BRIP1: variants seen among roughly 807,000 people sequenced by gnomAD.
BRIP1 encodes the protein Fanconi anemia group J protein.
BRIP1 carries 88 observed loss-of-function variants against 119.7 expected under a neutral mutation model. That is an observed-to-expected ratio of 0.74 (90% CI 0.62 to 0.88). The LOEUF (loss-of-function observed/expected upper bound fraction) is 0.88, where lower values mean the gene tolerates loss of function less well. Ranked by LOEUF, BRIP1 falls within the 40% of genes least tolerant of loss-of-function variation. The pLI is 0.00. For missense variants in BRIP1, 1,259 were observed against 1,455.4 expected (o/e 0.87, Z 2.20); for synonymous variants, 443 against 496.5 (o/e 0.89, Z 1.43).
rs910987310 is a variant in BRIP1 at position 61,843,260 on chromosome 17, C to T, written c.627+3841G>A. 4.6e-5 allele frequency among the ~76,000 whole-genome samples: 7 copies of T among 152,074 alleles called. No homozygotes were observed. Among genetic ancestry groups the T allele is most frequent in the Admixed American group, 3.9e-4 (6 of 15,266 alleles). The stretch of plus-strand genomic sequence containing the variant: ...ATCAAAGAGTAAAAAGTTGAATCTA[C>T]ATAGGATGAATCAAGTCTAGAGATC... On this transcript the variant is annotated intron_variant, in intron 6 of 19. Coordinates refer to ENST00000259008, the MANE Select transcript of BRIP1 (RefSeq NM_032043.3). This position sits in a 1 kb window ranked among gnomAD's most constrained non-coding sequence, Gnocchi z 5.7.
At chr17:61,840,848 G>C (rs2078648381) in intron 6 of BRIP1, among the ~76,000 whole-genome samples, 1 of 152,100 alleles carries the variant, frequency 6.6e-6, no homozygotes, top group South Asian at 2.1e-4. Context: ...AACCAAAACA[G>C]AATGGTATTA....
At chr17:61,781,181 G>T (rs576008906) in intron 11 of BRIP1, among the ~76,000 whole-genome samples, 176 bp from the exon 12 acceptor site, 1 of 152,222 alleles carries the variant, frequency 6.6e-6, no homozygotes, top group South Asian at 2.1e-4. Context: ...TATTAATAAA[G>T]CCATTAATCA....
In BRIP1 at chr17:61,716,728, T is replaced by G. The variant is rs1178627743; in HGVS notation, c.2380-665A>C. Among the ~76,000 whole-genome samples, 5 of 14,408 alleles carry G rather than the reference T, an allele frequency of 3.5e-4. No homozygotes were observed. The South Asian group carries it at 0.011, about 31-fold the overall frequency. 9.5% of individuals were successfully genotyped at this position (14,408 alleles called of 152,430 possible). A position where few individuals can be genotyped will look rare whatever the true frequency, so the allele number is the denominator to read the frequency against. On this transcript the variant is annotated intron_variant, in intron 16 of 19. Transcript: ENST00000259008. ...TTGCTTCCCCCCTACCCCCCCAATC[T>G]GTACCATTTTGTTTTTATCTTTTGG...
intron 6 of BRIP1, among the ~76,000 whole-genome samples, chr17:61,829,352 A>G (rs565796617): frequency 6.6e-6 from 1 of 152,292 alleles, no homozygotes; most frequent in South Asian, 2.1e-4. Context: ...AGATGGGTTA[A>G]TACATCAAGA....
chr17:61,721,692 CTTTTTTTTTTT>C (rs71150632), intron 16 of BRIP1, among the ~76,000 whole-genome samples: 37 of 73,634 alleles, frequency 5.0e-4, no homozygotes, highest in Admixed American at 1.6e-3. Context: ...TAGACTTTGC[CTTTTTTTTTTT>C]TTTTTTTTTT....
intron 6 of BRIP1, among the ~76,000 whole-genome samples, chr17:61,817,062 T>G (rs1035682046): frequency 5.3e-5 from 8 of 152,180 alleles, no homozygotes; most frequent in Non-Finnish European, 8.8e-5. Context: ...GCAGTGACAC[T>G]CTAACCAAGT....
In BRIP1 at chr17:61,846,036, G is replaced by C. The variant is rs929031389; in HGVS notation, c.627+1065C>G. Among the ~76,000 whole-genome samples the C allele has an allele frequency of 2.0e-5, 3 of 151,926 alleles. No individual in the cohort carries two copies. The highest frequency in any genetic ancestry group is 7.3e-5 in the African/African-American group (3 of 41,344). ...TCTCTACTAAAAATACAAAAAATTA[G>C]CCAGGCGTGGTGGCAGGCGCCTGTA... On this transcript the variant is annotated intron_variant, in intron 6 of 19. Transcript: ENST00000259008. The surrounding 1 kb of genome is among the most constrained non-coding windows in gnomAD (Gnocchi z 4.3).
chr17:61,784,986 AT>A (rs1446792749), intron 10 of BRIP1, among the ~76,000 whole-genome samples: 2 of 152,204 alleles, frequency 1.3e-5, no homozygotes, highest in Admixed American at 1.3e-4. Flanking sequence ...CTAACAATAT[AT>A]TTTAGATTGC....
rs1328980678 is a variant in BRIP1 at position 61,736,718 on chromosome 17, GTTT to G, written c.2379+6292_2379+6294del. On this transcript the variant is annotated intron_variant, in intron 16 of 19. Transcript: ENST00000259008. The surrounding 1 kb of genome is among the most constrained non-coding windows in gnomAD (Gnocchi z 4.4). ...AACTAAAACATTTATTAAACACTGT[GTTT>G]TTAGGTAATATCTTAGTTGTAGAGA... Among the ~76,000 whole-genome samples the G allele has an allele frequency of 2.6e-5, 4 of 152,136 alleles. No homozygotes were observed. The highest frequency in any genetic ancestry group is 4.4e-5 in the Non-Finnish European group (3 of 68,002).
rs2061443050 is a variant in BRIP1, at chr17:61,691,242, A to G, written c.2575+2188T>C. On this transcript the variant is annotated intron_variant, in intron 18 of 19. Transcript: ENST00000259008. This position sits in a 1 kb window ranked among gnomAD's most constrained non-coding sequence, Gnocchi z 5.0. ...CTAGAACTTAAAGTATAATAATAAA[A>G]ATAAAAATTAAAATAAAAAAACTCA... 6.6e-6 allele frequency among the ~76,000 whole-genome samples: 1 copy of G among 151,982 alleles called. No individual in the cohort carries two copies. Among genetic ancestry groups the G allele is most frequent in the Non-Finnish European group, 1.5e-5 (1 of 67,964 alleles).
intron 11 of BRIP1, among the ~76,000 whole-genome samples, chr17:61,783,529 T>C (rs1038920255): frequency 1.3e-5 from 2 of 152,022 alleles, no homozygotes; most frequent in African/African-American, 4.8e-5. Flanking sequence ...CTGAGTTGTA[T>C]ACGTAAAATG....
Position 61,801,055 on chromosome 17 carries a change from G to C in BRIP1, c.1140+198C>G, listed in dbSNP as rs62068834. 0.25 allele frequency among the ~76,000 whole-genome samples: 38,518 copies of C among 152,006 alleles called. 6,241 individuals carry two copies. Among genetic ancestry groups the C allele is most frequent in the Non-Finnish European group, 0.36 (24,454 of 67,928 alleles). ...TTCAGTCACTATGTTCCTTAAAACT[G>C]CTTGTTATTTTGGAAATTAAAATGA... On this transcript the variant is annotated intron_variant, in intron 8 of 19. Coordinates refer to ENST00000259008, the MANE Select transcript of BRIP1 (RefSeq NM_032043.3).
In BRIP1 at chr17:61,725,854, T is replaced by C; in HGVS notation, c.2380-9791A>G. Among the ~76,000 whole-genome samples the C allele has an allele frequency of 6.6e-6, 1 of 152,194 alleles. No individual in the cohort carries two copies. The highest frequency in any genetic ancestry group is 1.9e-4 in the East Asian group (1 of 5,188). On this transcript the variant is annotated intron_variant, in intron 16 of 19. Coordinates refer to ENST00000259008, the MANE Select transcript of BRIP1 (RefSeq NM_032043.3). The surrounding 1 kb of genome is among the most constrained non-coding windows in gnomAD (Gnocchi z 5.3). The stretch of plus-strand genomic sequence containing the variant: ...ATTGCCCAGGCTGGTCTTGAACTCC[T>C]GGCCTCAAACAATCCTCCTGTCTTG...
chr17:61,833,246 G>C (rs1488455494), intron 6 of BRIP1, among the ~76,000 whole-genome samples: 1 of 152,162 alleles, frequency 6.6e-6, no homozygotes, highest in Non-Finnish European at 1.5e-5. Context: ...TAGAGGAGTG[G>C]CTGAATTTTG....
intron 19 of BRIP1, chr17:61,685,524 C>T: frequency 2.4e-6 from 1 of 412,524 alleles, no homozygotes. Context: ...CTTTACAACC[C>T]AACCTGAAGG....
chr17:61,793,764 TCATC>T lies in BRIP1; in HGVS notation c.1341-39_1341-36del, dbSNP rs1567825431. ...AATAAAACAATTGTGTCAACCAGTA[TCATC>T]CTTACACACACTATTTCAGCAGAAC... On this transcript the variant is annotated intron_variant, in intron 9 of 19. Transcript: ENST00000259008. This position sits in a 1 kb window ranked among gnomAD's most constrained non-coding sequence, Gnocchi z 5.2. The T allele has an allele frequency of 6.3e-7, 1 of 1,597,538 alleles. No individual in the cohort carries two copies. The highest frequency in any genetic ancestry group is 8.5e-7 in the Non-Finnish European group (1 of 1,173,766).
rs984311036 is a variant in BRIP1, at chr17:61,802,150, T to C, written c.919-676A>G. ...TTCTATACATGTGTATATAAGGATA[T>C]CTCTACAATGTGACCCAATATTAAA... On this transcript the variant is annotated intron_variant, in intron 7 of 19. Transcript: ENST00000259008. This position sits in a 1 kb window ranked among gnomAD's most constrained non-coding sequence, Gnocchi z 6.0. Among the ~76,000 whole-genome samples the C allele has an allele frequency of 5.3e-5, 8 of 152,142 alleles. No homozygotes were observed. The highest frequency in any genetic ancestry group is 2.6e-4 in the Admixed American group (4 of 15,264).
Position 61,801,410 on chromosome 17 carries a change from A to C in BRIP1, c.983T>G (p.Phe328Cys). 1 of 1,614,002 alleles carries C rather than the reference A, an allele frequency of 6.2e-7. No individual in the cohort carries two copies. Among genetic ancestry groups the C allele is most frequent in the Non-Finnish European group, 8.5e-7 (1 of 1,179,914 alleles). The change falls in exon 8 of 20, where the codon TTC (phenylalanine) becomes TGC (cysteine). Residue 328 changes from phenylalanine (F) to cysteine (C), a missense_variant. Phe to Cys is a radical substitution (Grantham distance 205, BLOSUM62 -2). Transcript: ENST00000259008. ...ATCCCAGGCTTTGCACATCCCTTGG[A>C]AAGTCTGTAATGTGTGCTGATCACT... ...KISDQHTLQT[F>C]QGMCKAWDIE...
rs868100477 is a variant in BRIP1 at position 61,861,570 on chromosome 17, C to G, written c.-30-1G>C. The stretch of plus-strand genomic sequence containing the variant: ...TTTCCTGTTTATTTCAGATTCCTAA[C>G]TACAACAGAAATGAAAATGTCAAAT... On this transcript the variant is annotated splice_acceptor_variant, in intron 1 of 19. Transcript: ENST00000259008. LOFTEE classifies it low-confidence loss of function (5UTR_SPLICE). The surrounding 1 kb of genome is among the most constrained non-coding windows in gnomAD (Gnocchi z 4.5). 6.7e-7 allele frequency: 1 copy of G among 1,495,602 alleles called. No individual in the cohort carries two copies. Among genetic ancestry groups the G allele is most frequent in the African/African-American group, 1.4e-5 (1 of 72,526 alleles). The allele number at this position is 1,495,602 out of a possible 1,614,324, so 92.6% of individuals were successfully genotyped here. A position where few individuals can be genotyped will look rare whatever the true frequency, so the allele number is the denominator to read the frequency against.
Sources: allele counts gnomAD v4.1 joint callset (sites outside exome capture counted in the v4.1 genomes callset), GRCh38; gene constraint gnomAD v4.1.1; non-coding constraint Gnocchi (gnomAD v3.1); transcripts MANE v1.5; gene names NCBI Gene and HGNC (gene_info 2026-07-23, HGNC 2026-07-21).